The following DAPP1 variants were observed in gnomAD, a reference collection of about 807,000 sequenced individuals.
DAPP1 encodes dual adapter for phosphotyrosine and 3-phosphotyrosine and 3-phosphoinositide.
Under a neutral mutation model 41.5 loss-of-function variants are expected in DAPP1, and 20 were observed. The ratio of observed to expected loss-of-function variants is 0.48; its 90% CI spans 0.34 to 0.70. The LOEUF (loss-of-function observed/expected upper bound fraction) is 0.70. Ranked by LOEUF, DAPP1 falls within the 30% of genes least tolerant of loss-of-function variation. The pLI, the probability that DAPP1 is intolerant of heterozygous loss-of-function variation, is 0.01. For synonymous variants in DAPP1, 113 were observed against 116.2 expected (o/e 0.97, Z 0.18); for missense variants, 233 against 333.4 (o/e 0.70, Z 2.35).
At position 99,857,076 on chromosome 4, in the gene DAPP1, T is replaced by C. The variant is rs1047035110; in HGVS notation, c.489+3728T>C. Among the ~76,000 whole-genome samples, 3 of 152,340 alleles carry C rather than the reference T, an allele frequency of 2.0e-5. No individual in the cohort carries two copies. In the Middle Eastern group the frequency reaches 0.01, roughly 518 times the overall value. ...AACCTTGACAAGAGACCCGTGGAGA[T>C]TATTTCCCAACAGTGATCAGGGGCT... On this transcript the variant is annotated intron_variant, in intron 4 of 8. Transcript: ENST00000512369.
chr4:99,849,987 C>T (rs905995411), intron 3 of DAPP1, among the ~76,000 whole-genome samples: 8 of 152,206 alleles, frequency 5.3e-5, no homozygotes, highest in Admixed American at 1.3e-4. Context: ...CTAGAGCCTC[C>T]ACTAGGAAAG....
chr4:99,828,379 C>T lies in DAPP1; in HGVS notation c.102-7244C>T, dbSNP rs140684630. Among the ~76,000 whole-genome samples the T allele has an allele frequency of 2.8e-3, 422 of 152,094 alleles. 3 individuals are homozygous for T. The highest frequency in any genetic ancestry group is 9.6e-3 in the African/African-American group (398 of 41,492). ...GTCCTGTAACTTTTTGTTTTTTGTG[C>T]GTCTTTGTGACATATGTATGTTTAT... On this transcript the variant is annotated intron_variant, in intron 1 of 8. Transcript: ENST00000512369.
downstream of DAPP1, among the ~76,000 whole-genome samples, chr4:99,870,322 A>G (rs59943674): frequency 0.012 from 1,556 of 131,472 alleles, 29 homozygotes; most frequent in African/African-American, 0.044. Flanking sequence ...TATGGAGAAA[A>G]CAATAAACAT....
intron 3 of DAPP1, among the ~76,000 whole-genome samples, chr4:99,847,620 T>C (rs1213766663): frequency 2.0e-5 from 3 of 152,190 alleles, no homozygotes; most frequent in African/African-American, 7.2e-5. Flanking sequence ...CTGGTCTTCC[T>C]CATTCTTCTT....
chr4:99,822,667 G>T (rs777409629), intron 1 of DAPP1, among the ~76,000 whole-genome samples: 2 of 152,136 alleles, frequency 1.3e-5, no homozygotes, highest in Non-Finnish European at 2.9e-5. Context: ...CTGGTGGTCT[G>T]GTTCTGGTCT....
intron 3 of DAPP1, among the ~76,000 whole-genome samples, chr4:99,851,110 T>A (rs1339606510): frequency 6.6e-6 from 1 of 152,222 alleles, no homozygotes; most frequent in African/African-American, 2.4e-5. Flanking sequence ...ATGTGAGCAC[T>A]GTGTTCACAG....
At chr4:99,868,082 C>G in intron 8 of DAPP1, 35 bp from the exon 9 acceptor site, 2 of 1,565,728 alleles carry the variant, frequency 1.3e-6, no homozygotes, top group South Asian at 1.1e-5. Flanking sequence ...TACAATCACT[C>G]AATAATGGAT....
In DAPP1 at chr4:99,816,904, A is replaced by C. The variant is rs1429217293; in HGVS notation, c.-10A>C. ...TTGTGTCTCTCTCTCTACCTCTGTG[A>C]AGGGCGCGAATGGGCAGAGCAGAAC... On this transcript the variant is annotated 5_prime_UTR_variant, in exon 1 of 9. Transcript: ENST00000512369. 6 of 1,600,962 alleles carry C rather than the reference A, an allele frequency of 3.7e-6. No homozygotes were observed. In the East Asian group the frequency reaches 1.4e-4, roughly 36 times the overall value.
At chr4:99,838,119 C>T (rs1259139179) in intron 2 of DAPP1, among the ~76,000 whole-genome samples, 4 of 152,106 alleles carry the variant, frequency 2.6e-5, no homozygotes, top group African/African-American at 9.7e-5. Flanking sequence ...GATGGGGACC[C>T]CTGGCATGAA....
chr4:99,850,851 A>T (rs1723830583), intron 3 of DAPP1, among the ~76,000 whole-genome samples: 1 of 148,520 alleles, frequency 6.7e-6, no homozygotes, highest in South Asian at 2.1e-4. Flanking sequence ...CTAATATGTT[A>T]TCATTCTCCC....
chr4:99,871,084 A>G (rs146020663), downstream of DAPP1, among the ~76,000 whole-genome samples: 1,034 of 152,158 alleles, frequency 6.8e-3, 5 homozygotes, highest in Non-Finnish European at 0.011. Context: ...TCTTTTCCCA[A>G]CCACATGGCA....
At chr4:99,828,286 A>G (rs1723009215) in intron 1 of DAPP1, among the ~76,000 whole-genome samples, 1 of 152,234 alleles carries the variant, frequency 6.6e-6, no homozygotes, top group South Asian at 2.1e-4. Flanking sequence ...GGGTCACATC[A>G]ATATTCATTC....
downstream of DAPP1, among the ~76,000 whole-genome samples, chr4:99,871,942 G>A (rs1227650812): frequency 5.9e-5 from 9 of 152,182 alleles, no homozygotes; most frequent in African/African-American, 2.2e-4. Context: ...CTTAAGCAGG[G>A]GTTGTGTGCC....
At chr4:99,857,701 TACACACACACACACACAC>T (rs140943788) in intron 4 of DAPP1, among the ~76,000 whole-genome samples, 2 of 143,020 alleles carry the variant, frequency 1.4e-5, no homozygotes, top group Non-Finnish European at 3.1e-5. Flanking sequence ...TGTATGTATA[TACACACACACACACACAC>T]ACACACACAC....
intron 3 of DAPP1, chr4:99,844,124 C>A (rs1723585528): frequency 6.6e-6 from 1 of 152,194 alleles, no homozygotes; most frequent in Middle Eastern, 3.4e-3. Context: ...AATTTAGGCT[C>A]GCAGACGGTT....
chr4:99,871,361 T>C (rs893396594), downstream of DAPP1, among the ~76,000 whole-genome samples: 4 of 152,196 alleles, frequency 2.6e-5, no homozygotes, highest in Non-Finnish European at 5.9e-5. Flanking sequence ...TGTCTGACCA[T>C]GATGTCAAGC....
chr4:99,822,884 C>G (rs1480347406), intron 1 of DAPP1, among the ~76,000 whole-genome samples: 2 of 152,218 alleles, frequency 1.3e-5, no homozygotes, highest in African/African-American at 4.8e-5. Flanking sequence ...ACCAAGAGCA[C>G]AGTGAACACT....
chr4:99,843,654 T>C (rs1723570244), intron 3 of DAPP1, among the ~76,000 whole-genome samples: 1 of 152,242 alleles, frequency 6.6e-6, no homozygotes, highest in East Asian at 1.9e-4. Context: ...ATTTCCCAAG[T>C]ACATGATAGA....
intron 5 of DAPP1, among the ~76,000 whole-genome samples, chr4:99,862,283 G>C (rs1415222124): frequency 6.6e-6 from 1 of 152,170 alleles, no homozygotes; most frequent in Non-Finnish European, 1.5e-5. Context: ...TGAGGACAGA[G>C]AGTATTCATA....
Sources: gnomAD v4.1 joint callset for allele counts (sites outside exome capture counted in the v4.1 genomes callset) on GRCh38, gnomAD v4.1.1 for gene constraint, MANE v1.5 for transcripts, NCBI Gene and HGNC (gene_info 2026-07-23, HGNC 2026-07-21) for gene names.